EIF4G3: variants seen among roughly 807,000 people sequenced by gnomAD.
The protein encoded by EIF4G3 is eukaryotic translation initiation factor 4 gamma 3, also known as eIF-4-gamma 3.
A neutral mutation model predicts 186.4 loss-of-function variants in EIF4G3; 34 were observed. The observed-to-expected ratio is 0.18, with a 90% CI of 0.14 to 0.24. The LOEUF (loss-of-function observed/expected upper bound fraction) is 0.24, where lower values mean the gene tolerates loss of function less well. Ranked by LOEUF, EIF4G3 falls within the 10% of genes least tolerant of loss-of-function variation. The pLI is 1.00. For synonymous variants in EIF4G3, 673 were observed against 679.5 expected, an observed-to-expected ratio of 0.99 and a Z score of 0.15; for missense variants, 1,536 against 1,948.5, an observed-to-expected ratio of 0.79 and a Z score of 3.99.
At position 21,071,921 on chromosome 1, in the gene EIF4G3, A is replaced by C. The variant is rs189941341; in HGVS notation, c.-196+17217T>G. On this transcript the variant is annotated intron_variant, in intron 3 of 36. Coordinates refer to ENST00000602326, the MANE Select transcript of EIF4G3 (RefSeq NM_001391906.1). ...AGACAGAGAGAGAGAAGTAGCTTTT[A>C]AACATAAAGTGACAATAATCTACAA... Among the ~76,000 whole-genome samples the C allele has an allele frequency of 7.2e-5, 11 of 152,340 alleles. No individual in the cohort carries two copies. In the East Asian group the frequency reaches 2.1e-3, roughly 29 times the overall value.
At chr1:20,829,310 T>C in intron 30 of EIF4G3, 38 bp from the exon 31 acceptor site, 1 of 1,602,080 alleles carries the variant, frequency 6.2e-7, no homozygotes, top group African/African-American at 1.3e-5. Flanking sequence ...CATGCAAATG[T>C]AATTCAAAAG....
intron 4 of EIF4G3, among the ~76,000 whole-genome samples, chr1:21,011,207 T>A (rs1225126911): frequency 4.3e-4 from 60 of 140,176 alleles, no homozygotes; most frequent in East Asian, 2.0e-3. Context: ...TAAACTTTTT[T>A]TTAAAAAAAA....
intron 3 of EIF4G3, among the ~76,000 whole-genome samples, chr1:21,082,492 A>G (rs2095820275): frequency 6.6e-6 from 1 of 152,130 alleles, no homozygotes. Context: ...AGGCTAAGGC[A>G]GAAGAATCAC....
At chr1:20,990,063 C>T (rs1558595003) in intron 7 of EIF4G3, among the ~76,000 whole-genome samples, 1 of 152,122 alleles carries the variant, frequency 6.6e-6, no homozygotes, top group East Asian at 1.9e-4. Flanking sequence ...CTAAAGTCCC[C>T]GCAACTCAGG....
intron 2 of EIF4G3, 198 bp downstream of exon 2, chr1:21,175,977 A>T: frequency 3.9e-6 from 1 of 254,060 alleles, no homozygotes; most frequent in Non-Finnish European, 7.4e-6. Flanking sequence ...ACAGTATTGC[A>T]GAGGGTCTGG....
intron 16 of EIF4G3, among the ~76,000 whole-genome samples, chr1:20,897,760 T>C (rs4654729): frequency 0.53 from 80,033 of 151,760 alleles, 21,768 homozygotes; most frequent in East Asian, 0.83. Flanking sequence ...CTGTTTTTTT[T>C]CCAATGACTA....
intron 19 of EIF4G3, among the ~76,000 whole-genome samples, chr1:20,883,673 C>G (rs1042460108): frequency 2.0e-5 from 3 of 149,192 alleles, no homozygotes; most frequent in Non-Finnish European, 4.5e-5. Flanking sequence ...TAATAAAGGA[C>G]AGAAAGAGCT....
In EIF4G3 at chr1:20,853,569, G is replaced by A; in HGVS notation, c.3542C>T (p.Thr1181Ile). Residue 1181 changes from threonine to isoleucine, a missense_variant, in exon 27 of 37, where the codon ACC (threonine) becomes ATC (isoleucine). By Grantham distance (89) the Thr-to-Ile change is moderately conservative. Around this residue, in one of 11 missense-constraint regions of EIF4G3, gnomAD observed 395 missense variants for 498.9 expected, o/e 0.79. Transcript: ENST00000602326. ...STPVEFDSRR[T>I]LTSRGSMGRE... ...AAAGCAGGGTTCTCACCTAGTTAAG[G>A]TCCTTCGGGAATCAAACTCTACAGG... 7 of 1,611,784 alleles carry A rather than the reference G, an allele frequency of 4.3e-6. No individual in the cohort carries two copies. The highest frequency in any genetic ancestry group is 5.9e-6 in the Non-Finnish European group (7 of 1,177,920).
chr1:20,928,114 A>G (rs554739620), intron 14 of EIF4G3, among the ~76,000 whole-genome samples: 2 of 152,276 alleles, frequency 1.3e-5, no homozygotes, highest in East Asian at 3.9e-4. Context: ...TACCAAGCTG[A>G]GAACACCCTC....
chr1:20,884,328 T>G (rs1408576529), intron 19 of EIF4G3, among the ~76,000 whole-genome samples: 1 of 152,192 alleles, frequency 6.6e-6, no homozygotes. Flanking sequence ...ACAACTGGAC[T>G]ATTTAGTATC....
intron 12 of EIF4G3, among the ~76,000 whole-genome samples, chr1:20,961,247 G>A (rs1010663580): frequency 6.6e-6 from 1 of 152,100 alleles, no homozygotes; most frequent in Admixed American, 6.6e-5. Flanking sequence ...GCTGGGCATG[G>A]TGGTGCATGC....
intron 2 of EIF4G3, among the ~76,000 whole-genome samples, chr1:21,104,523 C>CT (rs2101920846): frequency 6.6e-6 from 1 of 152,304 alleles, no homozygotes; most frequent in African/African-American, 2.4e-5. Flanking sequence ...CAATGAGATA[C>CT]TACCTTATAC....
intron 2 of EIF4G3, among the ~76,000 whole-genome samples, chr1:21,156,333 G>C (rs1418601809): frequency 2.0e-5 from 3 of 152,058 alleles, no homozygotes; most frequent in Non-Finnish European, 2.9e-5. Flanking sequence ...TCTTCCTCAA[G>C]TAACCAGACA....
chr1:20,821,742 A>G (rs2062428160), intron 33 of EIF4G3, among the ~76,000 whole-genome samples: 1 of 148,438 alleles, frequency 6.7e-6, no homozygotes, highest in South Asian at 2.1e-4. Context: ...ATACTTCACC[A>G]TCTTCCCTAT....
At chr1:21,073,544 A>T (rs2095502819) in intron 3 of EIF4G3, 2 of 393,644 alleles carry the variant, frequency 5.1e-6, no homozygotes, top group South Asian at 3.8e-5. Flanking sequence ...AATACATTTC[A>T]TGGTTCAGGT....
chr1:21,114,245 C>G (rs1336392459), intron 2 of EIF4G3, among the ~76,000 whole-genome samples: 1 of 151,860 alleles, frequency 6.6e-6, no homozygotes, highest in Non-Finnish European at 1.5e-5. Context: ...CTCCCGGGTT[C>G]AAGCCATTCT....
intron 3 of EIF4G3, among the ~76,000 whole-genome samples, chr1:21,085,069 A>G (rs1161186753): frequency 2.0e-5 from 3 of 151,484 alleles, no homozygotes; most frequent in Non-Finnish European, 4.4e-5. Context: ...AATGTTATCT[A>G]AGGAATGGCA....
chr1:20,852,839 A>G (rs993654319), intron 27 of EIF4G3, among the ~76,000 whole-genome samples: 12 of 152,216 alleles, frequency 7.9e-5, no homozygotes, highest in African/African-American at 2.9e-4. Context: ...AGTCAAGGGA[A>G]TAAGAACACA....
At chr1:21,058,527 T>C (rs1003699974) in intron 3 of EIF4G3, among the ~76,000 whole-genome samples, 13 of 151,838 alleles carry the variant, frequency 8.6e-5, no homozygotes, top group African/African-American at 2.7e-4. Flanking sequence ...AAACTTGCTT[T>C]TTCATTTTTT....
Sources: allele counts gnomAD v4.1 joint callset (sites outside exome capture counted in the v4.1 genomes callset), GRCh38; gene constraint gnomAD v4.1.1; regional missense constraint gnomAD v4.1.1; transcripts MANE v1.5; gene names NCBI Gene and HGNC (gene_info 2026-07-23, HGNC 2026-07-21).